The following RBFOX1 variants were observed in gnomAD, a reference collection of about 807,000 sequenced individuals.
RBFOX1 encodes the protein RNA binding fox-1 homolog 1.
In RBFOX1, 8 loss-of-function variants were observed where a neutral mutation model predicts 57.7. The ratio of observed to expected loss-of-function variants is 0.14; its 90% CI spans 0.08 to 0.25. The LOEUF is 0.25. Among genes scored for constraint, RBFOX1 ranks in the 10% least tolerant of loss-of-function variants. RBFOX1 has a pLI of 1.00. For missense variants in RBFOX1, 611 were observed against 548.5 expected (o/e 1.11, Z -1.14); for synonymous variants, 326 against 222.4 (o/e 1.47, Z -4.15).
At chr16:5,922,914 A>G (rs1469562129) in intron 4 of RBFOX1, among the ~76,000 whole-genome samples, 2 of 152,188 alleles carry the variant, frequency 1.3e-5, no homozygotes, top group African/African-American at 2.4e-5. Context: ...TTTCCTGGAT[A>G]TGCTCCCACA....
chr16:6,190,400 A>G lies in RBFOX1; in HGVS notation c.-126-126595A>G, dbSNP rs1214376204. 2.0e-5 allele frequency among the ~76,000 whole-genome samples: 3 copies of G among 152,204 alleles called. No individual in the cohort carries two copies. In the South Asian group the frequency reaches 6.2e-4, roughly 32 times the overall value. On this transcript the variant is annotated intron_variant, in intron 1 of 15. Coordinates refer to ENST00000550418, the MANE Select transcript of RBFOX1 (RefSeq NM_018723.4). ...TCAGGTATGTAGCATCCGGGGTCCT[A>G]CAGCCTATGTTTGAATCCTGGCTTT... is the stretch of plus-strand genomic sequence containing the variant.
At chr16:6,127,083 A>G (rs1567517900) in intron 1 of RBFOX1, among the ~76,000 whole-genome samples, 1 of 152,180 alleles carries the variant, frequency 6.6e-6, no homozygotes, top group Non-Finnish European at 1.5e-5. Context: ...TGGGAAGAAC[A>G]TCTCAGAGGT....
intron 4 of RBFOX1, among the ~76,000 whole-genome samples, chr16:7,199,749 C>T (rs964125934): frequency 6.6e-6 from 1 of 152,122 alleles, no homozygotes; most frequent in African/African-American, 2.4e-5. Flanking sequence ...CAAAGATTAG[C>T]TGGGCATGGT....
chr16:7,075,419 TA>T (rs1206837173), intron 4 of RBFOX1, among the ~76,000 whole-genome samples: 1 of 152,206 alleles, frequency 6.6e-6, no homozygotes, highest in Non-Finnish European at 1.5e-5. Context: ...CATACATGAT[TA>T]GGGGAAAGAA....
chr16:5,779,933 C>T (rs74006285), intron 3 of RBFOX1, among the ~76,000 whole-genome samples: 4 of 152,002 alleles, frequency 2.6e-5, no homozygotes, highest in African/African-American at 4.8e-5. Flanking sequence ...TGAGAGTTTT[C>T]GAAAATAATA....
chr16:5,900,512 C>G (rs895929661), intron 4 of RBFOX1, among the ~76,000 whole-genome samples: 1 of 152,068 alleles, frequency 6.6e-6, no homozygotes, highest in East Asian at 1.9e-4. Flanking sequence ...GCCCTTTTGC[C>G]CCAGAGTAGA....
intron 3 of RBFOX1, among the ~76,000 whole-genome samples, chr16:5,750,431 C>T (rs2053153192): frequency 6.6e-6 from 1 of 152,224 alleles, no homozygotes; most frequent in Admixed American, 6.5e-5. Flanking sequence ...GAGGTTTCTG[C>T]TACCTTTTGT....
chr16:5,572,850 G>C (rs2046328283), intron 2 of RBFOX1, among the ~76,000 whole-genome samples: 1 of 152,204 alleles, frequency 6.6e-6, no homozygotes, highest in Non-Finnish European at 1.5e-5. Context: ...GGAATAGAAT[G>C]AGCAAAGGCA....
intron 4 of RBFOX1, among the ~76,000 whole-genome samples, chr16:5,924,101 C>T (rs951375587): frequency 6.6e-6 from 1 of 152,008 alleles, no homozygotes; most frequent in African/African-American, 2.4e-5. Flanking sequence ...TGGTAGTTCC[C>T]CTCCTTGCAC....
chr16:7,115,152 T>C (rs2065612641), intron 4 of RBFOX1, among the ~76,000 whole-genome samples: 2 of 151,706 alleles, frequency 1.3e-5, no homozygotes, highest in East Asian at 1.9e-4. Context: ...TTGTTAGCAC[T>C]TAGTGGTGCA....
chr16:6,436,895 C>T (rs2094250840), intron 2 of RBFOX1, among the ~76,000 whole-genome samples: 1 of 152,124 alleles, frequency 6.6e-6, no homozygotes, highest in Non-Finnish European at 1.5e-5. Flanking sequence ...AAACTGATAA[C>T]ATAGGGGGAT....
chr16:5,264,127 T>A (rs1296591889), intron 1 of RBFOX1, among the ~76,000 whole-genome samples: 3 of 151,876 alleles, frequency 2.0e-5, no homozygotes, highest in Non-Finnish European at 4.4e-5. Flanking sequence ...CATGAGGTTG[T>A]GAAGAGAAGT....
intron 1 of RBFOX1, among the ~76,000 whole-genome samples, chr16:6,296,516 G>T (rs2078132141): frequency 6.6e-6 from 1 of 151,930 alleles, no homozygotes; most frequent in Non-Finnish European, 1.5e-5. Flanking sequence ...CGCCTCCCGG[G>T]TTCAGGCCAT....
chr16:6,512,984 T>G (rs747898673), intron 2 of RBFOX1, among the ~76,000 whole-genome samples: 2 of 152,164 alleles, frequency 1.3e-5, no homozygotes, highest in Non-Finnish European at 2.9e-5. Context: ...GCAGAATAAT[T>G]TTGTTACGAA....
chr16:6,728,884 A>T (rs2067867738), intron 3 of RBFOX1, among the ~76,000 whole-genome samples: 1 of 152,320 alleles, frequency 6.6e-6, no homozygotes, highest in Non-Finnish European at 1.5e-5. Flanking sequence ...GAATTTTTAG[A>T]TAATGATATA....
chr16:7,627,559 G>A (rs574683531), intron 10 of RBFOX1, among the ~76,000 whole-genome samples: 25 of 152,296 alleles, frequency 1.6e-4, no homozygotes, highest in African/African-American at 6.0e-4. Flanking sequence ...AGAAGATCCA[G>A]CTCAGTGGAC....
At chr16:6,933,143 A>G (rs1406685676) in intron 3 of RBFOX1, among the ~76,000 whole-genome samples, 9 of 152,126 alleles carry the variant, frequency 5.9e-5, no homozygotes, top group Admixed American at 4.6e-4. Context: ...CCCTCCATTC[A>G]TCTGTAGACG....
chr16:6,998,649 C>A (rs1197133387), intron 3 of RBFOX1, among the ~76,000 whole-genome samples: 1 of 152,052 alleles, frequency 6.6e-6, no homozygotes, highest in Non-Finnish European at 1.5e-5. Context: ...AATCCTGTTT[C>A]ACATTTTGTG....
chr16:6,899,611 C>G (rs184377591), intron 3 of RBFOX1, among the ~76,000 whole-genome samples: 4 of 152,278 alleles, frequency 2.6e-5, no homozygotes, highest in Non-Finnish European at 5.9e-5. Flanking sequence ...ATGCTGTCAG[C>G]CTTAGTTTTC....
Sources: gnomAD v4.1 joint callset for allele counts (sites outside exome capture counted in the v4.1 genomes callset) on GRCh38, gnomAD v4.1.1 for gene constraint, MANE v1.5 for transcripts, NCBI Gene and HGNC (gene_info 2026-07-23, HGNC 2026-07-21) for gene names.